HEATR4: variants seen among roughly 807,000 people sequenced by gnomAD.
HEATR4 encodes HEAT repeat-containing protein 4.
A neutral mutation model predicts 108.8 loss-of-function variants in HEATR4; 95 were observed. That is an observed-to-expected ratio of 0.87 (90% CI 0.74 to 1.04). The LOEUF is 1.04. HEATR4 is among the 50% of genes least tolerant of loss of function. The pLI is 0.00. For synonymous variants in HEATR4, 443 were observed against 459.4 expected (o/e 0.96, Z 0.46); for missense variants, 1,152 against 1,253.8 (o/e 0.92, Z 1.23).
intron 14 of HEATR4, 81 bp from the exon 15 acceptor site, chr14:73,496,760 A>G: frequency 1.3e-6 from 1 of 788,572 alleles, no homozygotes; most frequent in Non-Finnish European, 2.2e-6. Flanking sequence ...AGGACTTGGA[A>G]TCAGGTAAGA....
chr14:73,479,321 T>G (rs1885148374), intron 17 of HEATR4, among the ~76,000 whole-genome samples: 1 of 152,132 alleles, frequency 6.6e-6, no homozygotes, highest in African/African-American at 2.4e-5. Flanking sequence ...TTCACCGTGT[T>G]AGCCAGGAGG....
At chr14:73,595,759 G>A in the HEATR4 span, 2 of 1,307,866 alleles carry the variant, frequency 1.5e-6, no homozygotes, top group Non-Finnish European at 2.0e-6. Context: ...CCATGTCTTT[G>A]TCATTAATGG....
the HEATR4 span, among the ~76,000 whole-genome samples, chr14:73,570,611 AAAAAC>A: frequency 6.6e-6 from 1 of 151,706 alleles, no homozygotes; most frequent in African/African-American, 2.4e-5. Flanking sequence ...CACTTATATT[AAAAAC>A]AAAACAGGCC....
chr14:73,599,667 C>T, the HEATR4 span, among the ~76,000 whole-genome samples: 1 of 152,202 alleles, frequency 6.6e-6, no homozygotes, highest in South Asian at 2.1e-4. Flanking sequence ...CTTTGTTCAG[C>T]TTTGTCTTGG....
chr14:73,615,055 C>G, the HEATR4 span, among the ~76,000 whole-genome samples: 1 of 143,984 alleles, frequency 6.9e-6, no homozygotes, highest in Non-Finnish European at 1.5e-5. Flanking sequence ...CACCGTTGCA[C>G]TCCAGCCTGG....
rs1888688547 is a variant in HEATR4 at position 73,531,245 on chromosome 14, C to T, written c.-151-1001G>A. ...TCTTAGGTTCCAAAGCTGTTTCTAT[C>T]AGTCTCCAAGCAACCAACTCTTTAG... On this transcript the variant is annotated intron_variant, in intron 1 of 17. Coordinates refer to ENST00000553558, the MANE Select transcript of HEATR4 (RefSeq NM_001220484.1). 1.8e-5 allele frequency: 2 copies of T among 112,716 alleles called. 1 individual carries two copies. Among genetic ancestry groups the T allele is most frequent in the Non-Finnish European group, 3.8e-5 (2 of 52,038 alleles). 7.0% of individuals were successfully genotyped at this position (112,716 alleles called of 1,614,324 possible).
chr14:73,485,279 G>A (rs904977597), intron 17 of HEATR4, among the ~76,000 whole-genome samples: 7 of 152,092 alleles, frequency 4.6e-5, no homozygotes, highest in Non-Finnish European at 5.9e-5. Flanking sequence ...TTTTTAACAC[G>A]TTATAGACAT....
At position 73,505,393 on chromosome 14, in the gene HEATR4, GT is replaced by G. The variant is rs1402917589; in HGVS notation, c.1986+1073del. ...GTTGGGACAATGGTTTTTTTGTTTTGTTTTTTTTTGTTTTGTTTTTTGAGAC... is the reference window on the plus strand; with the variant it reads ...GTTGGGACAATGGTTTTTTTGTTTTGTTTTTTTTGTTTTGTTTTTTGAGAC... On this transcript the variant is annotated intron_variant, in intron 10 of 17. Coordinates refer to ENST00000553558, the MANE Select transcript of HEATR4 (RefSeq NM_001220484.1). Among the ~76,000 whole-genome samples the G allele has an allele frequency of 5.0e-5, 7 of 141,364 alleles. 1 individual carries two copies. The highest frequency in any genetic ancestry group is 3.4e-4 in the Admixed American group (5 of 14,668). 92.7% of individuals were successfully genotyped at this position (141,364 alleles called of 152,430 possible).
In HEATR4 at chr14:73,520,914, G is replaced by A; in HGVS notation, c.1007C>T (p.Thr336Ile). The stretch of plus-strand genomic sequence containing the variant: ...GTAGGCAAACTTTCCAGCTCGGGGA[G>A]TCACCTGGCGAAAGTAGCTCTGGGT... ...PQTQSYFRQV[T>I]PRAGKFAYST... Residue 336 changes from threonine (T) to isoleucine (I), a missense_variant, in exon 4 of 18, where the codon ACT becomes ATT. Coordinates refer to ENST00000553558, the MANE Select transcript of HEATR4 (RefSeq NM_001220484.1). 6.2e-7 allele frequency: 1 copy of A among 1,614,108 alleles called. No individual in the cohort carries two copies. The highest frequency in any genetic ancestry group is 1.1e-5 in the South Asian group (1 of 91,074).
the HEATR4 span, among the ~76,000 whole-genome samples, chr14:73,588,431 G>A: frequency 1.3e-5 from 2 of 152,158 alleles, no homozygotes; most frequent in African/African-American, 2.4e-5. Context: ...TCTTTTAGGA[G>A]AATTCCTGAT....
In HEATR4 at chr14:73,532,931, G is replaced by C. The variant is rs531423337; in HGVS notation, c.-151-2687C>G. Among the ~76,000 whole-genome samples the C allele has an allele frequency of 3.2e-4, 36 of 111,340 alleles. 10 individuals carry two copies. Among genetic ancestry groups the C allele is most frequent in the Admixed American group, 2.9e-3 (28 of 9,648 alleles). 73.0% of individuals were successfully genotyped at this position (111,340 alleles called of 152,430 possible). ...GATTGGGCCACTGCACTCCAGCCTG[G>C]GTGACAGAGCAAGACTCCATCTCAA... On this transcript the variant is annotated intron_variant, in intron 1 of 17. Coordinates refer to ENST00000553558, the MANE Select transcript of HEATR4 (RefSeq NM_001220484.1).
chr14:73,599,387 C>T, the HEATR4 span, among the ~76,000 whole-genome samples: 1 of 152,032 alleles, frequency 6.6e-6, no homozygotes, highest in Non-Finnish European at 1.5e-5. Context: ...AAACACTAAC[C>T]ATGTATTTTT....
chr14:73,589,561 C>T, the HEATR4 span, among the ~76,000 whole-genome samples: 7 of 152,142 alleles, frequency 4.6e-5, no homozygotes, highest in Non-Finnish European at 7.3e-5. Context: ...TCAAGCGATC[C>T]GCCCAACTCG....
In HEATR4 at chr14:73,537,768, C is replaced by A. The variant is rs780302043; in HGVS notation, c.-151-7524G>T. On this transcript the variant is annotated intron_variant, in intron 1 of 17. Transcript: ENST00000553558. The stretch of plus-strand genomic sequence containing the variant: ...GTGCTGGATGGCCACGACCCCGACC[C>A]CGGGCGGCTGCTGTGCCGGGTGCGG... 3.4e-5 allele frequency: 42 copies of A among 1,235,852 alleles called. 11 individuals are homozygous for A. The highest frequency in any genetic ancestry group is 4.3e-5 in the Non-Finnish European group (40 of 934,900). The allele number at this position is 1,235,852 out of a possible 1,614,324, so 76.6% of individuals were successfully genotyped here.
the HEATR4 span, chr14:73,595,741 C>T: frequency 1.4e-6 from 2 of 1,400,214 alleles, no homozygotes; most frequent in Non-Finnish European, 1.9e-6. Context: ...TCCTGGATAA[C>T]ATTAAAGCCA....
the HEATR4 span, among the ~76,000 whole-genome samples, chr14:73,567,044 T>A: frequency 6.6e-6 from 1 of 151,954 alleles, no homozygotes; most frequent in East Asian, 1.9e-4. Flanking sequence ...CCTGACCTCA[T>A]GATCCACCCG....
At chr14:73,534,419 G>A (rs1444875246) in intron 1 of HEATR4, among the ~76,000 whole-genome samples, 1 of 110,162 alleles carries the variant, frequency 9.1e-6, no homozygotes, top group Non-Finnish European at 2.0e-5. Context: ...ATGGCCGAGT[G>A]TAGTGGCTCT....
upstream of HEATR4, among the ~76,000 whole-genome samples, chr14:73,561,203 T>C (rs1437390672): frequency 6.6e-6 from 1 of 151,116 alleles, no homozygotes; most frequent in Non-Finnish European, 1.5e-5. Flanking sequence ...CCATCTCTAC[T>C]AAAAATACAA....
At chr14:73,572,521 AC>A in the HEATR4 span, among the ~76,000 whole-genome samples, 3 of 151,480 alleles carry the variant, frequency 2.0e-5, no homozygotes, top group African/African-American at 7.3e-5. Flanking sequence ...AGAGTGATAC[AC>A]AGAAAGTCCA....
Sources: gnomAD v4.1 joint callset for allele counts (sites outside exome capture counted in the v4.1 genomes callset) on GRCh38, gnomAD v4.1.1 for gene constraint, MANE v1.5 for transcripts, NCBI Gene and HGNC (gene_info 2026-07-23, HGNC 2026-07-21) for gene names.